Variants in CTCF observed in about 807,000 individuals in gnomAD.
The protein encoded by CTCF is transcriptional repressor CTCF.
A neutral mutation model predicts 72.3 loss-of-function variants in CTCF; 7 were observed. The observed-to-expected ratio is 0.10, with a 90% CI of 0.06 to 0.18. The LOEUF (loss-of-function observed/expected upper bound fraction) is 0.18, where lower values mean the gene tolerates loss of function less well. Ranked by LOEUF, CTCF falls within the 10% of genes least tolerant of loss-of-function variation. The pLI, the probability that CTCF is intolerant of heterozygous loss-of-function variation, is 1.00. For missense variants in CTCF, 516 were observed against 949.1 expected (o/e 0.54, Z 6.00); for synonymous variants, 374 against 315.8 (o/e 1.18, Z -1.95).
Position 67,606,366 on chromosome 16 carries a change from A to G in CTCF, c.-9-4458A>G, listed in dbSNP as rs958910978. On this transcript the variant is annotated intron_variant, in intron 2 of 11. Transcript: ENST00000264010. ...TTCCACATTTATGAAGCATTTTTCT[A>G]TCACACCTGGTTATGTTATCTTTCT... Among the ~76,000 whole-genome samples the G allele has an allele frequency of 2.6e-5, 4 of 152,152 alleles. No homozygotes were observed. The South Asian group carries it at 8.3e-4, about 31-fold the overall frequency.
intron 2 of CTCF, among the ~76,000 whole-genome samples, chr16:67,585,639 C>G (rs1223779486): frequency 6.6e-6 from 1 of 152,094 alleles, no homozygotes; most frequent in Non-Finnish European, 1.5e-5. Flanking sequence ...TTCAATTTTT[C>G]CAACCACTAC....
chr16:67,610,954 C>A lies in CTCF; in HGVS notation c.122C>A (p.Pro41His), dbSNP rs1257461389. The change falls in exon 3 of 12, where the codon CCC becomes CAC. Residue 41 changes from proline to histidine, a missense_variant. By Grantham distance (77) the Pro-to-His change is moderately conservative. This residue lies in a region of CTCF where 148 missense variants were observed against 194.9 expected (regional missense o/e 0.76). Coordinates refer to ENST00000264010, the MANE Select transcript of CTCF (RefSeq NM_006565.4). ...GGQEEDACHL[P>H]QNQTDGGEVV... Reference sequence around the variant, plus strand: ...CAGGAAGAAGATGCCTGCCACTTACCCCAGAACCAGACGGATGGGGGTGAG... The same window carrying A: ...CAGGAAGAAGATGCCTGCCACTTACACCAGAACCAGACGGATGGGGGTGAG... 1 of 1,587,238 alleles carries A rather than the reference C, an allele frequency of 6.3e-7. No individual in the cohort carries two copies. Among genetic ancestry groups the A allele is most frequent in the East Asian group, 2.3e-5 (1 of 44,252 alleles).
intron 2 of CTCF, among the ~76,000 whole-genome samples, chr16:67,586,199 G>T (rs1345012667): frequency 6.6e-6 from 1 of 152,102 alleles, no homozygotes; most frequent in East Asian, 1.9e-4. Flanking sequence ...CCAGGAGTTT[G>T]AGAACAGCCT....
intron 2 of CTCF, among the ~76,000 whole-genome samples, chr16:67,589,943 C>T (rs1286748488): frequency 6.6e-6 from 1 of 151,946 alleles, no homozygotes; most frequent in Non-Finnish European, 1.5e-5. Flanking sequence ...AAAAATTAGC[C>T]TGGCATGATG....
At chr16:67,598,973 T>C (rs1341218834) in intron 2 of CTCF, among the ~76,000 whole-genome samples, 1 of 152,132 alleles carries the variant, frequency 6.6e-6, no homozygotes, top group Non-Finnish European at 1.5e-5. Context: ...ACAGCAAGTG[T>C]TAAGTTGAGC....
intron 2 of CTCF, among the ~76,000 whole-genome samples, chr16:67,585,092 C>T (rs2051651595): frequency 6.6e-6 from 1 of 152,220 alleles, no homozygotes; most frequent in Non-Finnish European, 1.5e-5. Context: ...ACTGCCCAGT[C>T]TGGAGTGCAG....
chr16:67,625,105 C>T (rs1309729708), intron 7 of CTCF, among the ~76,000 whole-genome samples: 1 of 151,708 alleles, frequency 6.6e-6, no homozygotes, highest in African/African-American at 2.4e-5. Flanking sequence ...TTGTATTTTT[C>T]AGTAGAGACG....
chr16:67,580,216 T>C (rs1477529788), intron 2 of CTCF, among the ~76,000 whole-genome samples: 1 of 152,196 alleles, frequency 6.6e-6, no homozygotes, highest in Non-Finnish European at 1.5e-5. Flanking sequence ...ATGATTATTT[T>C]AAATTAATTT....
intron 5 of CTCF, among the ~76,000 whole-genome samples, chr16:67,618,989 A>G (rs2052167626): frequency 1.3e-5 from 2 of 152,244 alleles, no homozygotes; most frequent in Non-Finnish European, 2.9e-5. Context: ...AGCCAGTGTG[A>G]TATTGCAGTA....
At chr16:67,574,498 C>T (rs577770862) in intron 2 of CTCF, among the ~76,000 whole-genome samples, 1 of 151,832 alleles carries the variant, frequency 6.6e-6, no homozygotes, top group Non-Finnish European at 1.5e-5. Context: ...TTCACCCCCA[C>T]GCCTGGCTAA....
intron 2 of CTCF, among the ~76,000 whole-genome samples, chr16:67,608,463 ACGGC>A (rs961992095): frequency 6.6e-6 from 1 of 152,190 alleles, no homozygotes; most frequent in African/African-American, 2.4e-5. Context: ...GTCTACAAAC[ACGGC>A]CATTGCAGTC....
intron 2 of CTCF, among the ~76,000 whole-genome samples, chr16:67,601,294 CGTGTGTGTGTGTGTGT>C (rs58241150): frequency 0.057 from 5,636 of 98,664 alleles, 145 homozygotes; most frequent in Middle Eastern, 0.12. Context: ...ACTCTGTCAC[CGTGTGTGTGTGTGTGT>C]GTGTGTGTGT....
intron 7 of CTCF, among the ~76,000 whole-genome samples, chr16:67,622,678 T>C (rs1400188098): frequency 1.3e-5 from 2 of 148,168 alleles, no homozygotes; most frequent in Admixed American, 6.8e-5. Context: ...AGTTTTCCTC[T>C]CGTCACCCAG....
chr16:67,628,824 G>T (rs1341583695), intron 9 of CTCF, among the ~76,000 whole-genome samples: 3 of 152,214 alleles, frequency 2.0e-5, no homozygotes, highest in African/African-American at 7.2e-5. Context: ...ACTTTGGGAG[G>T]CCAAGGTGGG....
chr16:67,591,894 A>G (rs60626639), intron 2 of CTCF, among the ~76,000 whole-genome samples: 41,555 of 151,666 alleles, frequency 0.27, 9,906 homozygotes, highest in African/African-American at 0.65. Context: ...TTAATTTTTA[A>G]TGGAGACAAG....
chr16:67,602,789 CGAGA>C (rs1567604643), intron 2 of CTCF, among the ~76,000 whole-genome samples: 1 of 145,922 alleles, frequency 6.9e-6, no homozygotes, highest in African/African-American at 2.6e-5. Context: ...TGTGTTCAGC[CGAGA>C]TTGCGCCATT....
At chr16:67,567,234 A>G (rs899836053) in intron 1 of CTCF, among the ~76,000 whole-genome samples, 4 of 152,132 alleles carry the variant, frequency 2.6e-5, no homozygotes, top group Non-Finnish European at 4.4e-5. Context: ...TAATATTTGA[A>G]TGCAAAGTTG....
At chr16:67,591,806 G>T (rs975915688) in intron 2 of CTCF, among the ~76,000 whole-genome samples, 1 of 152,032 alleles carries the variant, frequency 6.6e-6, no homozygotes, top group African/African-American at 2.4e-5. Context: ...TGCAGCCTGG[G>T]CTCAGGCGAT....
chr16:67,572,116 T>C (rs1489411895), intron 2 of CTCF, among the ~76,000 whole-genome samples: 1 of 152,212 alleles, frequency 6.6e-6, no homozygotes, highest in Non-Finnish European at 1.5e-5. Flanking sequence ...ATCATCTAAA[T>C]GACTACTAAG....
Sources: allele counts gnomAD v4.1 joint callset (sites outside exome capture counted in the v4.1 genomes callset), GRCh38; gene constraint gnomAD v4.1.1; regional missense constraint gnomAD v4.1.1; transcripts MANE v1.5; gene names NCBI Gene and HGNC (gene_info 2026-07-23, HGNC 2026-07-21).